Variants in NRXN3 observed in about 807,000 individuals in gnomAD.
NRXN3 encodes neurexin 3.
In NRXN3, 32 loss-of-function variants were observed where a neutral mutation model predicts 137.6. The ratio of observed to expected loss-of-function variants is 0.23; its 90% CI spans 0.18 to 0.31. The LOEUF (loss-of-function observed/expected upper bound fraction) is 0.31. NRXN3 is among the 10% of genes least tolerant of loss of function. The probability of loss-of-function intolerance (pLI) is 1.00; values close to 1 mark genes in which losing one functional copy is unlikely to be tolerated. For missense variants in NRXN3, 1,574 were observed against 2,062.5 expected (o/e 0.76, Z 4.59); for synonymous variants, 798 against 784.5 (o/e 1.02, Z -0.29).
chr14:78,259,751 G>A (rs1244786958), intron 2 of NRXN3, among the ~76,000 whole-genome samples: 1 of 152,154 alleles, frequency 6.6e-6, no homozygotes, highest in Non-Finnish European at 1.5e-5. Flanking sequence ...AGGACTGGGG[G>A]TGGGGGCTGT....
At chr14:78,789,497 T>C (rs2098799048) in intron 8 of NRXN3, among the ~76,000 whole-genome samples, 1 of 152,160 alleles carries the variant, frequency 6.6e-6, no homozygotes. Flanking sequence ...CCAAGAGTTA[T>C]CTGGTCAGAA....
intron 2 of NRXN3, among the ~76,000 whole-genome samples, chr14:78,264,599 G>A (rs1437143221): frequency 6.6e-6 from 1 of 152,102 alleles, no homozygotes; most frequent in African/African-American, 2.4e-5. Context: ...CTGGGGGTGA[G>A]GGGGTGGGGA....
At chr14:78,774,092 G>A (rs763410158) in intron 8 of NRXN3, among the ~76,000 whole-genome samples, 29 of 151,874 alleles carry the variant, frequency 1.9e-4, no homozygotes, top group Non-Finnish European at 2.9e-4. Flanking sequence ...GAGCCACCGC[G>A]CCCGGCCACT....
chr14:79,827,007 C>A (rs2099305198), intron 20 of NRXN3, among the ~76,000 whole-genome samples: 1 of 152,074 alleles, frequency 6.6e-6, no homozygotes, highest in South Asian at 2.1e-4. Context: ...ATATAATAGT[C>A]TGACAATGCT....
intron 16 of NRXN3, among the ~76,000 whole-genome samples, chr14:79,535,562 A>G (rs1425489711): frequency 6.6e-6 from 1 of 152,128 alleles, no homozygotes; most frequent in African/African-American, 2.4e-5. Flanking sequence ...GATTTCCAGT[A>G]GCAGGCATTC....
chr14:79,140,670 C>G (rs562893048), intron 15 of NRXN3, among the ~76,000 whole-genome samples: 1 of 151,118 alleles, frequency 6.6e-6, no homozygotes, highest in African/African-American at 2.4e-5. Flanking sequence ...GCTCAAGTCA[C>G]CTAAATAAAA....
chr14:79,017,498 T>C (rs944284213), intron 15 of NRXN3, among the ~76,000 whole-genome samples: 1 of 152,010 alleles, frequency 6.6e-6, no homozygotes, highest in Non-Finnish European at 1.5e-5. Flanking sequence ...ATCCTGTTCT[T>C]GGAGTTAGGG....
At chr14:79,856,633 T>C (rs74692548) in intron 20 of NRXN3, among the ~76,000 whole-genome samples, 3 of 142,640 alleles carry the variant, frequency 2.1e-5, no homozygotes, top group Non-Finnish European at 4.6e-5. Flanking sequence ...TTTTTTTTTT[T>C]CCAAAGATAA....
intron 4 of NRXN3, among the ~76,000 whole-genome samples, chr14:78,418,472 G>C (rs768176445): frequency 1.3e-5 from 2 of 152,138 alleles, no homozygotes; most frequent in Non-Finnish European, 2.9e-5. Context: ...AGGTTCATAA[G>C]CTCCTAGAAA....
At chr14:79,379,685 A>G (rs928275113) in intron 15 of NRXN3, among the ~76,000 whole-genome samples, 1 of 152,210 alleles carries the variant, frequency 6.6e-6, no homozygotes, top group Non-Finnish European at 1.5e-5. Context: ...CTTTTGTCAA[A>G]TGGGAGAGAT....
At chr14:78,778,760 CTT>C (rs1567285973) in intron 8 of NRXN3, among the ~76,000 whole-genome samples, 11 of 12,538 alleles carry the variant, frequency 8.8e-4, no homozygotes, top group East Asian at 2.1e-3. Context: ...CCTTCTTTCT[CTT>C]TCTTTCTTTC....
chr14:79,732,022 A>G (rs1021464866), intron 19 of NRXN3, among the ~76,000 whole-genome samples: 13 of 151,990 alleles, frequency 8.6e-5, no homozygotes, highest in Admixed American at 1.3e-4. Context: ...AGCTCCACCT[A>G]TAGATATAGA....
intron 17 of NRXN3, 140 bp downstream of exon 17, chr14:79,664,089 TAA>T (rs2098546882): frequency 5.7e-6 from 5 of 871,836 alleles, no homozygotes; most frequent in Admixed American, 2.4e-5. Context: ...TATGAGAAGA[TAA>T]GTCATCTCTT....
intron 4 of NRXN3, among the ~76,000 whole-genome samples, chr14:78,432,300 GTT>G (rs3037827): frequency 7.0e-6 from 1 of 142,522 alleles, no homozygotes. Context: ...CTGCACTCAG[GTT>G]TTTTTTTTTT....
At chr14:79,441,679 C>T (rs574773560) in intron 15 of NRXN3, among the ~76,000 whole-genome samples, 3 of 151,852 alleles carry the variant, frequency 2.0e-5, no homozygotes, top group African/African-American at 4.8e-5. Flanking sequence ...CACACCCGAC[C>T]GACAAACAGA....
At chr14:78,212,509 C>G (rs757620987) in intron 1 of NRXN3, among the ~76,000 whole-genome samples, 1 of 152,196 alleles carries the variant, frequency 6.6e-6, no homozygotes, top group Non-Finnish European at 1.5e-5. Flanking sequence ...TACTTTTGGT[C>G]TCCCCATTTC....
chr14:79,094,687 T>TTTTG (rs902651216), intron 15 of NRXN3, among the ~76,000 whole-genome samples: 4 of 152,014 alleles, frequency 2.6e-5, no homozygotes, highest in African/African-American at 7.3e-5. Context: ...AAGTCTGAGT[T>TTTTG]TTTGTTTGTT....
intron 15 of NRXN3, among the ~76,000 whole-genome samples, chr14:79,254,117 C>T (rs576949505): frequency 9.5e-4 from 145 of 152,118 alleles, no homozygotes; most frequent in African/African-American, 3.4e-3. Flanking sequence ...AGAGAAAGGT[C>T]TGAGAAAAAT....
At chr14:78,209,880 C>T (rs1330150524) in intron 1 of NRXN3, among the ~76,000 whole-genome samples, 2 of 152,130 alleles carry the variant, frequency 1.3e-5, no homozygotes, top group African/African-American at 4.8e-5. Flanking sequence ...ATTATTTTTT[C>T]CTGAGTACTT....
Sources: gnomAD v4.1 joint callset for allele counts (sites outside exome capture counted in the v4.1 genomes callset) on GRCh38, gnomAD v4.1.1 for gene constraint, MANE v1.5 for transcripts, NCBI Gene and HGNC (gene_info 2026-07-23, HGNC 2026-07-21) for gene names.